Variants in ANKRD30B observed in about 807,000 individuals in gnomAD.
ANKRD30B encodes ankyrin repeat domain-containing protein 30B.
ANKRD30B carries 144 observed loss-of-function variants against 202.2 expected under a neutral mutation model. That is an observed-to-expected ratio of 0.71 (90% CI 0.62 to 0.82). The LOEUF is 0.82. Ranked by LOEUF, ANKRD30B falls within the 40% of genes least tolerant of loss-of-function variation. The pLI is 0.00. For synonymous variants in ANKRD30B, 508 were observed against 561.3 expected (o/e 0.91, Z 1.34); for missense variants, 1,487 against 1,669.1 (o/e 0.89, Z 1.90).
the ANKRD30B span, among the ~76,000 whole-genome samples, chr18:14,865,677 A>G: frequency 1.4e-5 from 2 of 145,658 alleles, no homozygotes; most frequent in Admixed American, 6.9e-5. Flanking sequence ...CCAGCTCACC[A>G]TCCTTTTTTC....
chr18:14,917,349 C>G, the ANKRD30B span, among the ~76,000 whole-genome samples: 1 of 152,008 alleles, frequency 6.6e-6, no homozygotes, highest in Non-Finnish European at 1.5e-5. Flanking sequence ...CTTTTCCCCA[C>G]TGTGTGTTCC....
intron 6 of ANKRD30B, among the ~76,000 whole-genome samples, chr18:14,762,729 A>G (rs192279509): frequency 4.6e-5 from 7 of 152,342 alleles, no homozygotes; most frequent in Admixed American, 2.6e-4. Context: ...ACTTTTCACA[A>G]TAATGAAAAT....
At chr18:14,897,217 A>G in the ANKRD30B span, among the ~76,000 whole-genome samples, 1 of 152,194 alleles carries the variant, frequency 6.6e-6, no homozygotes. Context: ...GTGTAACAAA[A>G]TAGTGAGAGG....
In ANKRD30B at chr18:14,769,387, G is replaced by T. The variant is rs1452275567; in HGVS notation, c.1256+14G>T. ...GCCTATATTCAGGTAAGACTTTGCG[G>T]TTTTTTAAAACGAATAGGTTAACTC... On this transcript the variant is annotated intron_variant, in intron 8 of 43. Transcript: ENST00000690538. The T allele has an allele frequency of 8.4e-6, 13 of 1,543,552 alleles. No individual in the cohort carries two copies. The East Asian group carries it at 1.2e-4, about 15-fold the overall frequency.
chr18:14,939,001 A>C, the ANKRD30B span, among the ~76,000 whole-genome samples: 1 of 152,182 alleles, frequency 6.6e-6, no homozygotes, highest in Non-Finnish European at 1.5e-5. Context: ...GGCTGCTGTC[A>C]TCTAGGCCAG....
At chr18:14,773,392 A>C (rs192490149) in intron 9 of ANKRD30B, among the ~76,000 whole-genome samples, 2 of 152,312 alleles carry the variant, frequency 1.3e-5, no homozygotes, top group African/African-American at 4.8e-5. Flanking sequence ...TGAATAAATA[A>C]GCTGACAAAT....
chr18:14,820,264 T>G (rs1970344986), intron 30 of ANKRD30B, among the ~76,000 whole-genome samples: 2 of 152,206 alleles, frequency 1.3e-5, no homozygotes, highest in South Asian at 4.1e-4. Context: ...GATTTTGGGT[T>G]GAGACAATGG....
In ANKRD30B at chr18:14,757,904, T is replaced by C; in HGVS notation, c.707T>C (p.Ile236Thr). Residue 236 changes from isoleucine (I) to threonine (T), a missense_variant, in exon 5 of 44, where the codon ATA becomes ACA. This residue lies in a region of ANKRD30B where 889 missense variants were observed against 841.4 expected (regional missense o/e 1.06). Transcript: ENST00000690538. Reference protein sequence around the residue: ...QQNVDVFAEDIHGITAERYAA... With the variant: ...QQNVDVFAEDTHGITAERYAA... The stretch of plus-strand genomic sequence containing the variant: ...AATGTTGACGTCTTTGCTGAAGACA[T>C]ACATGGAATAACTGCAGAACGTTAT... 1 of 1,611,292 alleles carries C rather than the reference T, an allele frequency of 6.2e-7. No individual in the cohort carries two copies. The highest frequency in any genetic ancestry group is 1.7e-4 in the Middle Eastern group (1 of 6,054).
the ANKRD30B span, among the ~76,000 whole-genome samples, chr18:14,870,443 AG>A: frequency 6.6e-6 from 1 of 152,354 alleles, no homozygotes. Context: ...GGGGAAGGCC[AG>A]AAGTGACTTT....
chr18:14,762,781 A>G (rs1915463157), intron 6 of ANKRD30B, among the ~76,000 whole-genome samples: 1 of 152,218 alleles, frequency 6.6e-6, no homozygotes. Context: ...ATTGTACAAT[A>G]TGAACTGTAT....
At chr18:14,761,035 G>C (rs1473085214) in intron 6 of ANKRD30B, among the ~76,000 whole-genome samples, 1 of 151,922 alleles carries the variant, frequency 6.6e-6, no homozygotes. Flanking sequence ...GGATGATCAG[G>C]TCATCCACTT....
At chr18:14,933,380 G>C in the ANKRD30B span, among the ~76,000 whole-genome samples, 1 of 152,228 alleles carries the variant, frequency 6.6e-6, no homozygotes, top group African/African-American at 2.4e-5. Flanking sequence ...AGGCCATCAA[G>C]GGGACAGCAG....
the ANKRD30B span, among the ~76,000 whole-genome samples, chr18:14,930,054 C>T: frequency 6.6e-6 from 1 of 152,122 alleles, no homozygotes; most frequent in Non-Finnish European, 1.5e-5. Flanking sequence ...ATACTTCAGC[C>T]ATGTTAGATG....
the ANKRD30B span, among the ~76,000 whole-genome samples, chr18:14,870,881 C>T: frequency 6.6e-6 from 1 of 152,064 alleles, no homozygotes; most frequent in Non-Finnish European, 1.5e-5. Context: ...GGCTTCTGTC[C>T]CAAACCTGCA....
In ANKRD30B at chr18:14,770,738, A is replaced by G. The variant is rs563315559; in HGVS notation, c.1256+1365A>G. 2.0e-5 allele frequency among the ~76,000 whole-genome samples: 3 copies of G among 152,304 alleles called. No individual in the cohort carries two copies. The South Asian group carries it at 6.2e-4, about 32-fold the overall frequency. ...GAAGAGCATACTAAAATAGGGTTCA[A>G]AGACGTCCTGAATAGGTCACTGCTT... On this transcript the variant is annotated intron_variant, in intron 8 of 43. Coordinates refer to ENST00000690538, the MANE Select transcript of ANKRD30B (RefSeq NM_001367607.2).
At chr18:14,920,260 A>C in the ANKRD30B span, among the ~76,000 whole-genome samples, 1 of 152,222 alleles carries the variant, frequency 6.6e-6, no homozygotes, top group Admixed American at 6.5e-5. Flanking sequence ...ATGCTCACTG[A>C]AACTTGTACA....
At chr18:14,828,402 A>G in intron 33 of ANKRD30B, 94 bp downstream of exon 33, 1 of 920,740 alleles carries the variant, frequency 1.1e-6, no homozygotes, top group East Asian at 2.7e-5. Flanking sequence ...TCTGGGCTAG[A>G]CAACGTATTA....
rs1379729674 is a variant in ANKRD30B, at chr18:14,819,158, T to G, written c.2642-3325T>G. On this transcript the variant is annotated intron_variant, in intron 30 of 43. Coordinates refer to ENST00000690538, the MANE Select transcript of ANKRD30B (RefSeq NM_001367607.2). ...TGTGTTTTTTGGCTGCATAAATGTC[T>G]TCTTTTGAGAAGTGTCTGTTCATGT... Among the ~76,000 whole-genome samples, 12 of 149,422 alleles carry G rather than the reference T, an allele frequency of 8.0e-5. No individual in the cohort carries two copies. The East Asian group carries it at 2.4e-3, about 29-fold the overall frequency.
the ANKRD30B span, among the ~76,000 whole-genome samples, chr18:14,880,225 G>C: frequency 0.054 from 4,840 of 89,688 alleles, no homozygotes; most frequent in South Asian, 0.076. Flanking sequence ...TCTCTCTTCT[G>C]TTCCATTGGT....
Sources: gnomAD v4.1 joint callset for allele counts (sites outside exome capture counted in the v4.1 genomes callset) on GRCh38, gnomAD v4.1.1 for gene constraint, gnomAD v4.1.1 regional missense constraint, MANE v1.5 for transcripts, NCBI Gene and HGNC (gene_info 2026-07-23, HGNC 2026-07-21) for gene names.